GCNT1: variants seen among roughly 807,000 people sequenced by gnomAD.
The protein encoded by GCNT1 is glucosaminyl (N-acetyl) transferase 1, also known as beta-1,3-galactosyl-O-glycosyl-glycoprotein beta-1,6-N-acetylglucosaminyltransferase.
GCNT1 carries 16 observed loss-of-function variants against 26.2 expected under a neutral mutation model. The observed-to-expected ratio is 0.61, with a 90% CI of 0.41 to 0.93. The LOEUF (loss-of-function observed/expected upper bound fraction) is 0.93, where lower values mean the gene tolerates loss of function less well. Among genes scored for constraint, GCNT1 ranks in the 40% least tolerant of loss-of-function variants. GCNT1 has a pLI of 0.00. For synonymous variants in GCNT1, 183 were observed against 190.8 expected, an observed-to-expected ratio of 0.96 and a Z score of 0.34; for missense variants, 477 against 526.7, an observed-to-expected ratio of 0.91 and a Z score of 0.92.
At chr9:76,454,842 CTT>C (rs1183951605), upstream of GCNT1, among the ~76,000 whole-genome samples, 1 of 105,658 alleles carries the variant, frequency 9.5e-6, no homozygotes, top group Non-Finnish European at 1.8e-5. Flanking sequence ...CTTTTCTTTT[CTT>C]TTTTTTTTTT....
the GCNT1 span, among the ~76,000 whole-genome samples, chr9:76,407,466 T>C: frequency 2.0e-5 from 3 of 152,178 alleles, no homozygotes; most frequent in East Asian, 5.8e-4. Context: ...TATTGATCTA[T>C]TTGTCCACTT....
chr9:76,409,647 C>T, the GCNT1 span, among the ~76,000 whole-genome samples: 3 of 151,748 alleles, frequency 2.0e-5, no homozygotes, highest in African/African-American at 7.3e-5. Flanking sequence ...AGTTTCACCA[C>T]GTTGCCCAGG....
intron 1 of GCNT1, among the ~76,000 whole-genome samples, chr9:76,450,793 A>C (rs1468205147): frequency 6.6e-6 from 1 of 152,106 alleles, no homozygotes; most frequent in African/African-American, 2.4e-5. Flanking sequence ...ATACTATTGC[A>C]TATATTTTCT....
At chr9:76,468,070 C>T (rs886579516) in intron 2 of GCNT1, among the ~76,000 whole-genome samples, 2 of 151,996 alleles carry the variant, frequency 1.3e-5, no homozygotes, top group Non-Finnish European at 2.9e-5. Context: ...CCATGCCTGG[C>T]TAATTAGTAA....
At chr9:76,446,700 G>A (rs566434720) in intron 1 of GCNT1, among the ~76,000 whole-genome samples, 3 of 152,262 alleles carry the variant, frequency 2.0e-5, no homozygotes, top group Admixed American at 6.5e-5. Flanking sequence ...GCATAGCCCC[G>A]TACTGGATAG....
At chr9:76,448,311 G>A (rs887970919) in intron 1 of GCNT1, among the ~76,000 whole-genome samples, 2 of 152,130 alleles carry the variant, frequency 1.3e-5, no homozygotes, top group Non-Finnish European at 2.9e-5. Flanking sequence ...AATTAGCCAG[G>A]TGTGGTGGCA....
upstream of GCNT1, among the ~76,000 whole-genome samples, chr9:76,454,794 C>A (rs1008279488): frequency 6.6e-6 from 1 of 151,440 alleles, no homozygotes; most frequent in Admixed American, 6.6e-5. Flanking sequence ...TTTCCTGAGG[C>A]CCCCCCAGCC....
chr9:76,447,394 C>T (rs1376846111), intron 1 of GCNT1, among the ~76,000 whole-genome samples: 1 of 151,710 alleles, frequency 6.6e-6, no homozygotes, highest in Non-Finnish European at 1.5e-5. Context: ...TGTGCACCAC[C>T]ACGCCCCAGC....
chr9:76,397,151 G>A, the GCNT1 span, among the ~76,000 whole-genome samples: 1 of 152,158 alleles, frequency 6.6e-6, no homozygotes, highest in Non-Finnish European at 1.5e-5. Flanking sequence ...GCATGGCAGT[G>A]AATGCCAGTA....
At chr9:76,411,139 ACT>A in the GCNT1 span, among the ~76,000 whole-genome samples, 1 of 151,848 alleles carries the variant, frequency 6.6e-6, no homozygotes, top group Non-Finnish European at 1.5e-5. Context: ...TTTTTAATCC[ACT>A]CTGACAATCT....
At chr9:76,423,617 C>T (rs1823226512) in intron 1 of GCNT1, among the ~76,000 whole-genome samples, 1 of 152,228 alleles carries the variant, frequency 6.6e-6, no homozygotes, top group South Asian at 2.1e-4. Context: ...AAAAGAATCA[C>T]TTAATTTGTA....
chr9:76,444,042 A>T (rs920310968), intron 1 of GCNT1, among the ~76,000 whole-genome samples: 1 of 152,070 alleles, frequency 6.6e-6, no homozygotes, highest in Non-Finnish European at 1.5e-5. Flanking sequence ...GCTTTGTGAG[A>T]AAGAGAGGCA....
chr9:76,461,623 C>T (rs1010080697), intron 2 of GCNT1, among the ~76,000 whole-genome samples: 5 of 150,312 alleles, frequency 3.3e-5, no homozygotes, highest in Non-Finnish European at 7.4e-5. Flanking sequence ...CATGGTGGCT[C>T]ACACCTGTAA....
Position 76,503,759 on chromosome 9 carries a change from A to G in GCNT1, c.*91A>G, listed in dbSNP as rs1032784730. 1.3e-5 allele frequency: 13 copies of G among 1,036,892 alleles called. No homozygotes were observed. The highest frequency in any genetic ancestry group is 1.2e-5 in the Non-Finnish European group (8 of 673,864). The allele number at this position is 1,036,892 out of a possible 1,614,324, so 64.2% of individuals were successfully genotyped here. A position where few individuals can be genotyped will look rare whatever the true frequency, so the allele number is the denominator to read the frequency against. On this transcript the variant is annotated 3_prime_UTR_variant, in exon 4 of 4. Transcript: ENST00000376730. Reference sequence around the variant, plus strand: ...TCCTTGTCAGCATCGGGAAGATGGTATGAAGTCCTCTTTGGGGCAGGGACT... The same window carrying G: ...TCCTTGTCAGCATCGGGAAGATGGTGTGAAGTCCTCTTTGGGGCAGGGACT...
chr9:76,418,064 G>C (rs1044517327), upstream of GCNT1, among the ~76,000 whole-genome samples: 5 of 152,178 alleles, frequency 3.3e-5, no homozygotes, highest in African/African-American at 1.2e-4. Context: ...ATTTTAGGGA[G>C]ACATGAGACA....
At chr9:76,403,143 G>A in the GCNT1 span, among the ~76,000 whole-genome samples, 5 of 152,270 alleles carry the variant, frequency 3.3e-5, no homozygotes, top group East Asian at 7.7e-4. Flanking sequence ...GTCAGGTCAG[G>A]CCTGAAAACC....
At chr9:76,473,249 T>C (rs1249575488) in intron 2 of GCNT1, among the ~76,000 whole-genome samples, 2 of 152,176 alleles carry the variant, frequency 1.3e-5, no homozygotes, top group Non-Finnish European at 2.9e-5. Flanking sequence ...TATAATTTCC[T>C]CCAGAAACCT....
At position 76,427,813 on chromosome 9, in the gene GCNT1, C is replaced by T. The variant is rs142068924; in HGVS notation, n.38+7926C>T. 2.7e-3 allele frequency among the ~76,000 whole-genome samples: 409 copies of T among 152,094 alleles called. 1 individual carries two copies. The highest frequency in any genetic ancestry group is 9.5e-3 in the African/African-American group (394 of 41,492). ...ACCACCCTGGCCAACATGGTGAAAC[C>T]GCATCTCTACTAAAAGCACAAAAAT... On this transcript the variant is annotated intron_variant and non_coding_transcript_variant, in intron 1 of 3. Transcript: ENST00000488136.
At position 76,502,734 on chromosome 9, in the gene GCNT1, A is replaced by C; in HGVS notation, c.353A>C (p.Glu118Ala). Residue 118 changes from glutamate (E) to alanine (A), a missense_variant, in exon 4 of 4, where the codon GAG becomes GCG. Coordinates refer to ENST00000376730, the MANE Select transcript of GCNT1 (RefSeq NM_001490.5). ...ATTGTAGAACCCCTTAGTAAAGAAG[A>C]GGCGGAGTTTCCAATAGCATATTCT... ...KYIVEPLSKE[E>A]AEFPIAYSIV... 6.2e-7 allele frequency: 1 copy of C among 1,614,178 alleles called. No homozygotes were observed.
Sources: gnomAD v4.1 joint callset for allele counts (sites outside exome capture counted in the v4.1 genomes callset) on GRCh38, gnomAD v4.1.1 for gene constraint, MANE v1.5 for transcripts, NCBI Gene and HGNC (gene_info 2026-07-23, HGNC 2026-07-21) for gene names.